LIMS2: variants seen among roughly 807,000 people sequenced by gnomAD.
LIMS2 encodes LIM zinc finger domain containing 2.
A neutral mutation model predicts 45.3 loss-of-function variants in LIMS2; 30 were observed. The observed-to-expected ratio is 0.66, with a 90% CI of 0.50 to 0.90. LIMS2 has a LOEUF of 0.90. LIMS2 is among the 40% of genes least tolerant of loss of function. The probability of loss-of-function intolerance (pLI) is 0.00; values close to 1 mark genes in which losing one functional copy is unlikely to be tolerated. For missense variants in LIMS2, 485 were observed against 468.7 expected, an observed-to-expected ratio of 1.03 and a Z score of -0.32; for synonymous variants, 173 against 188.0, an observed-to-expected ratio of 0.92 and a Z score of 0.65.
intron 1 of LIMS2, among the ~76,000 whole-genome samples, chr2:127,659,192 T>C (rs1399997571): frequency 6.6e-6 from 1 of 152,178 alleles, no homozygotes; most frequent in East Asian, 1.9e-4. Flanking sequence ...TAGGGACCCA[T>C]GTGGCAGAGG....
chr2:127,662,804 TAAAAA>T (rs1558897128), intron 1 of LIMS2, among the ~76,000 whole-genome samples: 1 of 151,524 alleles, frequency 6.6e-6, no homozygotes, highest in South Asian at 2.1e-4. Flanking sequence ...AATAATAAAA[TAAAAA>T]AGAAAAAATT....
chr2:127,657,635 G>C, intron 1 of LIMS2, 73 bp from the exon 2 acceptor site: 2 of 1,430,510 alleles, frequency 1.4e-6, no homozygotes, highest in South Asian at 2.7e-5. Context: ...GGGGGCCTGC[G>C]CCCGACAGAC....
At chr2:127,673,964 G>T (rs1327784097) in intron 1 of LIMS2, 2 of 544,942 alleles carry the variant, frequency 3.7e-6, no homozygotes, top group Non-Finnish European at 6.6e-6. Flanking sequence ...AGAGGCTTGG[G>T]GAGAAGAAAG....
intron 3 of LIMS2, 113 bp from the exon 4 acceptor site, chr2:127,654,657 T>C: frequency 6.5e-7 from 1 of 1,541,224 alleles, no homozygotes; most frequent in Non-Finnish European, 8.9e-7. Flanking sequence ...GCCCATGGGC[T>C]CCCTCGTGGG....
upstream of LIMS2, among the ~76,000 whole-genome samples, chr2:127,678,590 A>G (rs539335785): frequency 6.6e-6 from 1 of 152,226 alleles, no homozygotes; most frequent in Non-Finnish European, 1.5e-5. The surrounding 1 kb of genome is among the most constrained non-coding windows in gnomAD (Gnocchi z 5.3). Context: ...CACAGGATCT[A>G]TTTTGCAACC....
At chr2:127,681,413 C>T (rs1032279960) in exon 1 of LIMS2, 8 of 152,392 alleles carry the variant, frequency 5.2e-5, no homozygotes, top group African/African-American at 1.9e-4. Flanking sequence ...CTGCCTGGCC[C>T]GCTTGGCACA....
intron 1 of LIMS2, among the ~76,000 whole-genome samples, chr2:127,660,275 A>G (rs1047601898): frequency 2.0e-5 from 3 of 152,312 alleles, no homozygotes; most frequent in Non-Finnish European, 4.4e-5. Context: ...GGGCCAAATA[A>G]GGGAATAAAA....
intron 1 of LIMS2, among the ~76,000 whole-genome samples, chr2:127,658,331 C>A (rs959791868): frequency 6.6e-6 from 1 of 152,186 alleles, no homozygotes; most frequent in East Asian, 1.9e-4. Context: ...CCTGGGAGGC[C>A]GAGGCTGAGT....
In LIMS2 at chr2:127,672,994, G is replaced by C. The variant is rs1284682653; in HGVS notation, c.11+2020C>G. 2.0e-5 allele frequency among the ~76,000 whole-genome samples: 3 copies of C among 152,216 alleles called. No homozygotes were observed. Among genetic ancestry groups the C allele is most frequent in the Non-Finnish European group, 2.9e-5 (2 of 68,034 alleles). ...GGAAGGGCACCCAGCATGAAACGGT[G>C]GAAATGAAACTCCACTGCTTCTGGG... On this transcript the variant is annotated intron_variant, in intron 1 of 9. Transcript: ENST00000355119. The surrounding 1 kb of genome is among the most constrained non-coding windows in gnomAD (Gnocchi z 4.9).
intron 1 of LIMS2, among the ~76,000 whole-genome samples, chr2:127,663,633 C>T (rs912353424): frequency 2.0e-5 from 3 of 151,774 alleles, no homozygotes; most frequent in Admixed American, 6.6e-5. Context: ...CCTGCCCCCC[C>T]GCCCCAGCCC....
At chr2:127,655,268 T>C (rs1684178641) in intron 2 of LIMS2, 2 of 316,894 alleles carry the variant, frequency 6.3e-6, no homozygotes, top group Non-Finnish European at 1.2e-5. Flanking sequence ...CTATTTCGTA[T>C]ACCTTCTCTG....
In LIMS2 at chr2:127,653,636, A is replaced by G. The variant is rs550059003; in HGVS notation, c.359+788T>C. Among the ~76,000 whole-genome samples the G allele has an allele frequency of 9.5e-4, 145 of 152,206 alleles. No homozygotes were observed. The highest frequency in any genetic ancestry group is 3.0e-3 in the African/African-American group (126 of 41,528). On this transcript the variant is annotated intron_variant, in intron 4 of 9. Transcript: ENST00000355119. This position sits in a 1 kb window ranked among gnomAD's most constrained non-coding sequence, Gnocchi z 5.3. ...TGCAGCTGTGGGGGCGGGCAGAACC[A>G]CAGGAACTCAGGGTCCCGGGTGCCA...
chr2:127,660,317 TTGGGG>T (rs1416716817), intron 1 of LIMS2, among the ~76,000 whole-genome samples: 4 of 152,094 alleles, frequency 2.6e-5, no homozygotes, highest in African/African-American at 9.7e-5. Context: ...CAGCAACCAG[TTGGGG>T]TTCCTTTGCT....
At chr2:127,644,024 G>A (rs779878418) in intron 4 of LIMS2, 1 of 456,232 alleles carries the variant, frequency 2.2e-6, no homozygotes. Flanking sequence ...GCAGACCCCA[G>A]ATGCCAGGGC....
At position 127,642,754 on chromosome 2, in the gene LIMS2, C is replaced by A; in HGVS notation, c.509+169G>T. 2.8e-6 allele frequency: 2 copies of A among 719,064 alleles called. No homozygotes were observed. Among genetic ancestry groups the A allele is most frequent in the Non-Finnish European group, 4.5e-6 (2 of 447,868 alleles). 44.5% of individuals were successfully genotyped at this position (719,064 alleles called of 1,614,324 possible). On this transcript the variant is annotated intron_variant, in intron 5 of 9. Transcript: ENST00000355119. The surrounding 1 kb of genome is among the most constrained non-coding windows in gnomAD (Gnocchi z 5.3). ...GCTTCCTGCCATGGCTGCTTCCCAG[C>A]CCCCAGCCCACCTCTGCCCTGCAGC...
rs1306653539 is a variant in LIMS2, at chr2:127,653,530, T to C, written c.359+894A>G. ...AGGATTCTGTCTGCAAGGGCAGCCATGAGGGCCGGGCACGGAGCCCCAGAC... is the reference window on the plus strand; with the variant it reads ...AGGATTCTGTCTGCAAGGGCAGCCACGAGGGCCGGGCACGGAGCCCCAGAC... On this transcript the variant is annotated intron_variant, in intron 4 of 9. Coordinates refer to ENST00000355119, the MANE Select transcript of LIMS2 (RefSeq NM_001161403.3). The surrounding 1 kb of genome is among the most constrained non-coding windows in gnomAD (Gnocchi z 5.3). Among the ~76,000 whole-genome samples the C allele has an allele frequency of 6.6e-6, 1 of 151,958 alleles. No homozygotes were observed. Among genetic ancestry groups the C allele is most frequent in the Non-Finnish European group, 1.5e-5 (1 of 68,000 alleles).
intron 9 of LIMS2, 119 bp from the exon 10 acceptor site, chr2:127,639,547 A>T: frequency 2.4e-6 from 3 of 1,259,646 alleles, no homozygotes; most frequent in Non-Finnish European, 3.4e-6. Flanking sequence ...TCTCCTAGCC[A>T]GCAGGCCAGG....
chr2:127,643,487 C>G (rs1449762684), intron 4 of LIMS2: 1 of 457,198 alleles, frequency 2.2e-6, no homozygotes, highest in Admixed American at 2.3e-5. Flanking sequence ...CCCGGGAGGC[C>G]CACTCACCCC....
At chr2:127,674,812 C>T in intron 1 of LIMS2, 8 of 985,370 alleles carry the variant, frequency 8.1e-6, no homozygotes, top group Non-Finnish European at 9.6e-6. Context: ...CCGCTGCAGG[C>T]GCTCGCCCAG....
Sources: gnomAD v4.1 joint callset for allele counts (sites outside exome capture counted in the v4.1 genomes callset) on GRCh38, gnomAD v4.1.1 for gene constraint, Gnocchi (gnomAD v3.1) non-coding constraint, MANE v1.5 for transcripts, NCBI Gene and HGNC (gene_info 2026-07-23, HGNC 2026-07-21) for gene names.